Variants in NHEJ1 observed in about 807,000 individuals in gnomAD.
NHEJ1 encodes non-homologous end joining factor 1, also known as non-homologous end-joining factor 1.
A neutral mutation model predicts 39.4 loss-of-function variants in NHEJ1; 22 were observed. The ratio of observed to expected loss-of-function variants is 0.56; its 90% CI spans 0.40 to 0.80. The LOEUF is 0.80. NHEJ1 is among the 30% of genes least tolerant of loss of function. The probability of loss-of-function intolerance (pLI) is 0.00; values close to 1 mark genes in which losing one functional copy is unlikely to be tolerated. For synonymous variants in NHEJ1, 154 were observed against 135.6 expected, an observed-to-expected ratio of 1.14 and a Z score of -0.94; for missense variants, 329 against 357.1, an observed-to-expected ratio of 0.92 and a Z score of 0.63.
chr2:219,144,574 T>C (rs1949718859), intron 5 of NHEJ1, among the ~76,000 whole-genome samples: 1 of 152,084 alleles, frequency 6.6e-6, no homozygotes, highest in African/African-American at 2.4e-5. Flanking sequence ...ACATTGGACA[T>C]TCTAGATCAT....
intron 5 of NHEJ1, among the ~76,000 whole-genome samples, chr2:219,097,988 C>T (rs1339458941): frequency 1.3e-5 from 2 of 152,104 alleles, no homozygotes; most frequent in African/African-American, 4.8e-5. Context: ...AAAATAAAGC[C>T]AGGAAAGTGT....
intron 5 of NHEJ1, among the ~76,000 whole-genome samples, chr2:219,087,416 A>G (rs1305074640): frequency 6.6e-6 from 1 of 151,782 alleles, no homozygotes; most frequent in African/African-American, 2.4e-5. Flanking sequence ...AAGAGAGGAC[A>G]GTCAACTGGG....
chr2:219,115,912 G>C (rs990889056), intron 5 of NHEJ1, among the ~76,000 whole-genome samples: 2 of 152,168 alleles, frequency 1.3e-5, no homozygotes, highest in African/African-American at 2.4e-5. Flanking sequence ...ACGAGGTCAA[G>C]AGATCGAGAC....
At chr2:219,081,086 A>G (rs980026019) in intron 5 of NHEJ1, among the ~76,000 whole-genome samples, 2 of 152,226 alleles carry the variant, frequency 1.3e-5, no homozygotes, top group Admixed American at 1.3e-4. Context: ...AAGCTCCCCA[A>G]GGTGACAAGA....
At chr2:219,142,249 T>C (rs930228644) in intron 5 of NHEJ1, among the ~76,000 whole-genome samples, 6 of 152,090 alleles carry the variant, frequency 3.9e-5, no homozygotes, top group African/African-American at 1.2e-4. Flanking sequence ...GAGTAGAGAA[T>C]TGCAAAATCT....
At position 219,159,566 on chromosome 2, in the gene NHEJ1, T is replaced by TATATATAC. The variant is rs1559206296; in HGVS notation, c.-1+1153_-1+1154insGTATATAT. 4.0e-4 allele frequency among the ~76,000 whole-genome samples: 7 copies of TATATATAC among 17,682 alleles called. No homozygotes were observed. The East Asian group carries it at 7.4e-3, about 19-fold the overall frequency. The allele number at this position is 17,682 out of a possible 152,430, so 11.6% of individuals were successfully genotyped here. ...ATATATATATGCATATATATATGCA[T>TATATATAC]ATATATATGCATATATATATGCATA... On this transcript the variant is annotated intron_variant, in intron 1 of 7. Coordinates refer to ENST00000356853, the MANE Select transcript of NHEJ1 (RefSeq NM_024782.3).
At chr2:219,117,277 G>A (rs1008689431) in intron 5 of NHEJ1, among the ~76,000 whole-genome samples, 7 of 152,058 alleles carry the variant, frequency 4.6e-5, no homozygotes, top group Non-Finnish European at 8.8e-5. Flanking sequence ...GAAATCCCAC[G>A]AAAGAACAGT....
chr2:219,078,167 A>T lies in NHEJ1; in HGVS notation c.628T>A (p.Phe210Ile). 6.2e-7 allele frequency: 1 copy of T among 1,614,122 alleles called. No individual in the cohort carries two copies. Among genetic ancestry groups the T allele is most frequent in the Non-Finnish European group, 8.5e-7 (1 of 1,180,018 alleles). Reference sequence around the variant, plus strand: ...TACAGATCCTGCAGATTCATGACAAAGGGCTTTCCATCACCAATGCTGCAT... The same window carrying T: ...TACAGATCCTGCAGATTCATGACAATGGGCTTTCCATCACCAATGCTGCAT... Reference protein sequence around the residue: ...EACSIGDGKPFVMNLQDLYMA... With the variant: ...EACSIGDGKPIVMNLQDLYMA... The change falls in exon 6 of 8, where the codon TTT becomes ATT. Residue 210 changes from phenylalanine (F) to isoleucine (I), a missense_variant. Physicochemically the swap from Phe to Ile is conservative, Grantham distance 21. Coordinates refer to ENST00000356853, the MANE Select transcript of NHEJ1 (RefSeq NM_024782.3).
Position 219,143,943 on chromosome 2 carries a change from G to A in NHEJ1, c.588+2737C>T, listed in dbSNP as rs540070484. Among the ~76,000 whole-genome samples, 3 of 152,332 alleles carry A rather than the reference G, an allele frequency of 2.0e-5. No individual in the cohort carries two copies. In the East Asian group the frequency reaches 5.8e-4, roughly 29 times the overall value. On this transcript the variant is annotated intron_variant, in intron 5 of 7. Coordinates refer to ENST00000356853, the MANE Select transcript of NHEJ1 (RefSeq NM_024782.3). Reference sequence around the variant, plus strand: ...GAGCCAGGTGCAGTGGCTCACGCCTGTAATCTCAGCACTTTGAAAGGCCAA... The same window carrying A: ...GAGCCAGGTGCAGTGGCTCACGCCTATAATCTCAGCACTTTGAAAGGCCAA...
At chr2:219,136,286 C>CTT (rs36102678) in intron 5 of NHEJ1, among the ~76,000 whole-genome samples, 2 of 125,866 alleles carry the variant, frequency 1.6e-5, no homozygotes, top group East Asian at 2.2e-4. Context: ...CACTTGGTTT[C>CTT]TTTTTTTTTT....
intron 3 of NHEJ1, among the ~76,000 whole-genome samples, chr2:219,156,136 C>CT (rs1355607138): frequency 6.6e-6 from 1 of 151,164 alleles, no homozygotes; most frequent in Non-Finnish European, 1.5e-5. Flanking sequence ...GTAGTCTCAG[C>CT]TACTCAGGAG....
At chr2:219,135,031 C>T (rs1949612498) in intron 5 of NHEJ1, among the ~76,000 whole-genome samples, 1 of 42,582 alleles carries the variant, frequency 2.3e-5, no homozygotes, top group African/African-American at 8.0e-5. Context: ...AAAAGTGAAA[C>T]TCCGTCTCAA....
At chr2:219,137,570 C>CAAAAAAAAAAAAAAAAAAAAA (rs58279021) in intron 5 of NHEJ1, among the ~76,000 whole-genome samples, 2 of 34,726 alleles carry the variant, frequency 5.8e-5, no homozygotes, top group East Asian at 8.5e-4. Context: ...GTGTTACAGG[C>CAAAAAAAAAAAAAAAAAAAAA]AAAAAAAAAA....
intron 3 of NHEJ1, 101 bp from the exon 4 acceptor site, chr2:219,147,896 C>T (rs1949758487): frequency 3.3e-6 from 4 of 1,226,032 alleles, no homozygotes; most frequent in African/African-American, 1.5e-5. Context: ...AATGTTCTTA[C>T]AGAAACTTAT....
chr2:219,080,472 C>G (rs961476320), intron 5 of NHEJ1, among the ~76,000 whole-genome samples: 15 of 151,144 alleles, frequency 9.9e-5, no homozygotes, highest in Non-Finnish European at 2.2e-4. Flanking sequence ...TTGCGGTGAG[C>G]TGAGATTGCG....
intron 5 of NHEJ1, among the ~76,000 whole-genome samples, chr2:219,080,210 C>G (rs1016015800): frequency 6.6e-6 from 1 of 152,158 alleles, no homozygotes; most frequent in African/African-American, 2.4e-5. Flanking sequence ...GTCCTAGGAA[C>G]AGCATATTGC....
intron 5 of NHEJ1, among the ~76,000 whole-genome samples, chr2:219,128,610 C>T (rs1288783459): frequency 6.6e-6 from 1 of 152,066 alleles, no homozygotes; most frequent in Non-Finnish European, 1.5e-5. Flanking sequence ...AGCATCCAAG[C>T]ACGCGACTTC....
At chr2:219,118,829 G>A (rs1949441817) in intron 5 of NHEJ1, among the ~76,000 whole-genome samples, 1 of 152,204 alleles carries the variant, frequency 6.6e-6, no homozygotes, top group African/African-American at 2.4e-5. Flanking sequence ...GAAATTAGGG[G>A]CGTCAGAGAC....
chr2:219,116,387 C>T (rs1296025196), intron 5 of NHEJ1, among the ~76,000 whole-genome samples: 2 of 151,654 alleles, frequency 1.3e-5, no homozygotes, highest in African/African-American at 4.8e-5. Context: ...AACAGGGTCT[C>T]ACTTTGTAGC....
Sources: allele counts gnomAD v4.1 joint callset (sites outside exome capture counted in the v4.1 genomes callset), GRCh38; gene constraint gnomAD v4.1.1; transcripts MANE v1.5; gene names NCBI Gene and HGNC (gene_info 2026-07-23, HGNC 2026-07-21).